Variants in SCN2A observed in about 807,000 individuals in gnomAD.
SCN2A encodes sodium voltage-gated channel alpha subunit 2.
Under a neutral mutation model 188.7 loss-of-function variants are expected in SCN2A, and 20 were observed. The observed-to-expected ratio is 0.11, with a 90% CI of 0.07 to 0.15. The LOEUF (loss-of-function observed/expected upper bound fraction) is 0.15. Ranked by LOEUF, SCN2A falls within the 10% of genes least tolerant of loss-of-function variation. SCN2A has a pLI of 1.00. For missense variants in SCN2A, 1,278 were observed against 2,445.0 expected (o/e 0.52, Z 10.07); for synonymous variants, 804 against 833.1 (o/e 0.97, Z 0.60).
chr2:165,259,099 C>G (rs947009414), intron 1 of SCN2A, among the ~76,000 whole-genome samples: 4 of 152,130 alleles, frequency 2.6e-5, no homozygotes, highest in Admixed American at 6.5e-5. Flanking sequence ...AAAAAAAGAC[C>G]TATGTTTACA....
At chr2:165,256,814 T>G (rs1694346904) in intron 1 of SCN2A, among the ~76,000 whole-genome samples, 1 of 152,158 alleles carries the variant, frequency 6.6e-6, no homozygotes, top group Non-Finnish European at 1.5e-5. Context: ...TTTTTCCTGC[T>G]TACTCATCAT....
At chr2:165,347,726 G>A (rs759212904) in intron 16 of SCN2A, among the ~76,000 whole-genome samples, 1 of 152,230 alleles carries the variant, frequency 6.6e-6, no homozygotes, top group South Asian at 2.1e-4. Flanking sequence ...AAAATAGGAA[G>A]TAACTAATAT....
At chr2:165,307,338 A>G (rs966281005) in intron 3 of SCN2A, among the ~76,000 whole-genome samples, 2 of 152,174 alleles carry the variant, frequency 1.3e-5, no homozygotes, top group African/African-American at 4.8e-5. Context: ...AACACCTGCC[A>G]TCTTCTCTCA....
chr2:165,243,372 G>A (rs996607828), intron 1 of SCN2A, among the ~76,000 whole-genome samples: 3 of 152,098 alleles, frequency 2.0e-5, no homozygotes, highest in African/African-American at 7.2e-5. Flanking sequence ...GGAGGCCGAG[G>A]TGGGCGGATT....
intron 25 of SCN2A, among the ~76,000 whole-genome samples, chr2:165,383,721 A>G (rs1210936765): frequency 2.0e-5 from 3 of 152,182 alleles, no homozygotes; most frequent in Admixed American, 1.3e-4. Flanking sequence ...GTGAAATTTA[A>G]AAGTTTGTCT....
intron 1 of SCN2A, among the ~76,000 whole-genome samples, chr2:165,280,551 C>T (rs1243650533): frequency 6.6e-6 from 1 of 152,112 alleles, no homozygotes; most frequent in Admixed American, 6.5e-5. Context: ...TCTGAAGTGC[C>T]GGTGAGTTTA....
chr2:165,354,374 A>C lies in SCN2A; in HGVS notation c.3102A>C (p.Lys1034Asn), dbSNP rs772956132. ...FIQKAFVRKQ[K>N]ALDEIKPLED... The stretch of plus-strand genomic sequence containing the variant: ...AGAAAGCCTTTGTTAGGAAGCAGAA[A>C]GCTTTAGATGAAATTAAACCGCTTG... Residue 1034 changes from lysine to asparagine, a missense_variant, in exon 17 of 27, where the codon AAA (lysine) becomes AAC (asparagine). Coordinates refer to ENST00000375437, the MANE Select transcript of SCN2A (RefSeq NM_001040142.2). 4 of 1,613,880 alleles carry C rather than the reference A, an allele frequency of 2.5e-6. No homozygotes were observed. In the African/African-American group the frequency reaches 4.0e-5, roughly 16 times the overall value.
In SCN2A at chr2:165,379,793, C is replaced by T. The variant is rs116488190; in HGVS notation, c.4309-799C>T. On this transcript the variant is annotated intron_variant, in intron 23 of 26. Coordinates refer to ENST00000375437, the MANE Select transcript of SCN2A (RefSeq NM_001040142.2). ...GATTTCATAACACAGTGGGTTATAA[C>T]TTGCATCTATTATCATCATCAGGGA... Among the ~76,000 whole-genome samples the T allele has an allele frequency of 5.0e-3, 756 of 151,806 alleles. 4 individuals are homozygous for T. The highest frequency in any genetic ancestry group is 0.017 in the African/African-American group (724 of 41,508).
intron 1 of SCN2A, among the ~76,000 whole-genome samples, chr2:165,278,248 A>C (rs1322067528): frequency 2.0e-5 from 3 of 152,208 alleles, no homozygotes; most frequent in African/African-American, 7.2e-5. Context: ...AGAGTATATT[A>C]GTCCATTTTC....
chr2:165,369,856 A>C (rs978383376), intron 19 of SCN2A, among the ~76,000 whole-genome samples: 37 of 152,176 alleles, frequency 2.4e-4, no homozygotes, highest in African/African-American at 7.7e-4. Flanking sequence ...ATGTAGAGAG[A>C]AGCAGCTGGC....
chr2:165,319,321 A>G (rs1234362096), intron 11 of SCN2A, among the ~76,000 whole-genome samples: 1 of 152,210 alleles, frequency 6.6e-6, no homozygotes, highest in African/African-American at 2.4e-5. Context: ...TGGGTGACAG[A>G]GTGAGACTCC....
intron 1 of SCN2A, among the ~76,000 whole-genome samples, chr2:165,282,903 G>A (rs532317132): frequency 6.6e-6 from 1 of 152,312 alleles, no homozygotes; most frequent in Non-Finnish European, 1.5e-5. Flanking sequence ...ATGACATAGT[G>A]TATGAGAGAG....
chr2:165,309,036 G>A (rs946061577), intron 5 of SCN2A: 2 of 1,142,094 alleles, frequency 1.8e-6, no homozygotes, highest in African/African-American at 3.1e-5. Context: ...TATGATTGAT[G>A]ACAATGCCAT....
chr2:165,313,994 G>A lies in SCN2A; in HGVS notation c.1269G>A (p.Val423=), dbSNP rs139815570. 2,023 of 1,613,810 alleles carry A rather than the reference G, an allele frequency of 1.3e-3. 26 individuals carry two copies. The African/African-American group carries it at 0.021, about 17-fold the overall frequency. ...SFYLINLILA[V]VAMAYEEQNQ... is the part of the protein sequence containing the mutation. ...ATCTAATAAATTTGATCTTGGCTGTGGTGGCCATGGCCTATGAGGAACAGA... is the reference window on the plus strand; with the variant it reads ...ATCTAATAAATTTGATCTTGGCTGTAGTGGCCATGGCCTATGAGGAACAGA... Residue 423 remains valine, a synonymous_variant, in exon 10 of 27, where the codon GTG becomes GTA. Coordinates refer to ENST00000375437, the MANE Select transcript of SCN2A (RefSeq NM_001040142.2).
intron 1 of SCN2A, among the ~76,000 whole-genome samples, chr2:165,277,475 G>T (rs138426934): frequency 1.3e-3 from 202 of 152,246 alleles, no homozygotes; most frequent in Non-Finnish European, 2.2e-3. Context: ...TATTTAATTG[G>T]TTGCAATTAT....
intron 14 of SCN2A, among the ~76,000 whole-genome samples, chr2:165,338,725 C>G (rs796590659): frequency 1.1e-4 from 17 of 152,200 alleles, no homozygotes; most frequent in African/African-American, 3.9e-4. Context: ...GGGATTATCT[C>G]AGAAAAGTAA....
intron 1 of SCN2A, among the ~76,000 whole-genome samples, chr2:165,291,027 T>TTTC (rs1559339496): frequency 1.1e-5 from 1 of 94,442 alleles, no homozygotes; most frequent in East Asian, 2.6e-4. Context: ...TTTTCTTTTC[T>TTTC]TTTCTTTCTT....
rs146663583 is a variant in SCN2A at position 165,314,739 on chromosome 2, C to G, written c.1383+631C>G. 2.5e-3 allele frequency among the ~76,000 whole-genome samples: 379 copies of G among 152,246 alleles called. 12 individuals are homozygous for G. Among genetic ancestry groups the G allele is most frequent in the Admixed American group, 0.023 (347 of 15,288 alleles). ...CCTTCAAAATAAGGCAAGAATTTCTCTAATTATATTTGCTTGACTTAATGG... is the reference window on the plus strand; with the variant it reads ...CCTTCAAAATAAGGCAAGAATTTCTGTAATTATATTTGCTTGACTTAATGG... On this transcript the variant is annotated intron_variant, in intron 10 of 26. Coordinates refer to ENST00000375437, the MANE Select transcript of SCN2A (RefSeq NM_001040142.2).
chr2:165,313,286 C>A (rs1171146153), intron 8 of SCN2A, among the ~76,000 whole-genome samples: 1 of 152,108 alleles, frequency 6.6e-6, no homozygotes, highest in African/African-American at 2.4e-5. Context: ...TCAAGACATC[C>A]TCAGTGAAAA....
Sources: gnomAD v4.1 joint callset for allele counts (sites outside exome capture counted in the v4.1 genomes callset) on GRCh38, gnomAD v4.1.1 for gene constraint, MANE v1.5 for transcripts, NCBI Gene and HGNC (gene_info 2026-07-23, HGNC 2026-07-21) for gene names.